The following CDH4 variants were observed in gnomAD, a reference collection of about 807,000 sequenced individuals.
CDH4 encodes cadherin-4.
Under a neutral mutation model 86.0 loss-of-function variants are expected in CDH4, and 33 were observed. The ratio of observed to expected loss-of-function variants is 0.38; its 90% CI spans 0.29 to 0.51. The LOEUF is 0.51. Ranked by LOEUF, CDH4 falls within the 20% of genes least tolerant of loss-of-function variation. The pLI, the probability that CDH4 is intolerant of heterozygous loss-of-function variation, is 0.86. For synonymous variants in CDH4, 555 were observed against 549.4 expected (o/e 1.01, Z -0.14); for missense variants, 1,114 against 1,307.4 (o/e 0.85, Z 2.28).
chr20:61,789,591 G>T (rs1979055793), intron 4 of CDH4, among the ~76,000 whole-genome samples: 1 of 152,212 alleles, frequency 6.6e-6, no homozygotes, highest in Non-Finnish European at 1.5e-5. Flanking sequence ...TCAGGGAGGA[G>T]AGGAAATTGT....
In CDH4 at chr20:61,684,365, C is replaced by T. The variant is rs959708178; in HGVS notation, c.170-59198C>T. Among the ~76,000 whole-genome samples the T allele has an allele frequency of 1.3e-5, 2 of 152,178 alleles. No homozygotes were observed. Among genetic ancestry groups the T allele is most frequent in the African/African-American group, 4.8e-5 (2 of 41,452 alleles). On this transcript the variant is annotated intron_variant, in intron 2 of 15. Coordinates refer to ENST00000614565, the MANE Select transcript of CDH4 (RefSeq NM_001794.5). The surrounding 1 kb of genome is among the most constrained non-coding windows in gnomAD (Gnocchi z 4.5). ...CTAAGGAAGCAGCAAGCGCGGAGCA[C>T]GTGGCCTCAACCTCCGTCTTGCTTA...
intron 2 of CDH4, among the ~76,000 whole-genome samples, chr20:61,611,549 G>A (rs530803691): frequency 2.4e-4 from 36 of 152,088 alleles, no homozygotes; most frequent in Non-Finnish European, 4.1e-4. Flanking sequence ...CCTCTTTGCT[G>A]GGACCTCAGC....
At chr20:61,857,199 T>C (rs1959071940) in intron 6 of CDH4, among the ~76,000 whole-genome samples, 1 of 152,248 alleles carries the variant, frequency 6.6e-6, no homozygotes, top group Admixed American at 6.5e-5. Context: ...TCCATCTTCA[T>C]GCGTTCCGCG....
chr20:61,530,136 G>A (rs1227698513), intron 2 of CDH4, among the ~76,000 whole-genome samples: 2 of 152,042 alleles, frequency 1.3e-5, no homozygotes, highest in African/African-American at 2.4e-5. Flanking sequence ...AGGTTCAAGC[G>A]ATTCTCCTGC....
intron 2 of CDH4, among the ~76,000 whole-genome samples, chr20:61,647,288 CG>C (rs2087071036): frequency 1.3e-5 from 2 of 152,160 alleles, no homozygotes; most frequent in Non-Finnish European, 2.9e-5. Flanking sequence ...CCCTTCCTTG[CG>C]GGTGGTACCT....
At chr20:61,610,539 A>G (rs1434994785) in intron 2 of CDH4, among the ~76,000 whole-genome samples, 1 of 152,114 alleles carries the variant, frequency 6.6e-6, no homozygotes, top group East Asian at 1.9e-4. Context: ...GCTGGGTCAT[A>G]GAGCAGTTCC....
intron 2 of CDH4, among the ~76,000 whole-genome samples, chr20:61,520,654 A>G (rs78272894): frequency 0.041 from 6,300 of 152,254 alleles, 409 homozygotes; most frequent in African/African-American, 0.14. Flanking sequence ...TCCTCTGAGC[A>G]GCTCAGTGAC....
At chr20:61,283,484 TGATGTAG>T (rs2084274723) in intron 2 of CDH4, among the ~76,000 whole-genome samples, 3 of 126,560 alleles carry the variant, frequency 2.4e-5, no homozygotes, top group Non-Finnish European at 3.4e-5. Flanking sequence ...CTGTGGTGTG[TGATGTAG>T]GTGCATTTGC....
intron 3 of CDH4, among the ~76,000 whole-genome samples, chr20:61,759,623 A>T (rs1319685306): frequency 6.6e-6 from 1 of 152,158 alleles, no homozygotes. Flanking sequence ...GGGAAAAAGT[A>T]ATACATTTTC....
intron 2 of CDH4, among the ~76,000 whole-genome samples, chr20:61,535,736 G>A (rs117125196): frequency 0.09 from 13,684 of 151,968 alleles, 821 homozygotes; most frequent in East Asian, 0.33. Context: ...GGGTATGGGG[G>A]CCCTTCAGTG....
rs563528191 is a variant in CDH4, at chr20:61,699,122, A to G, written c.170-44441A>G. Among the ~76,000 whole-genome samples the G allele has an allele frequency of 1.1e-4, 16 of 152,372 alleles. 1 individual carries two copies. The highest frequency in any genetic ancestry group is 9.8e-4 in the Admixed American group (15 of 15,308). On this transcript the variant is annotated intron_variant, in intron 2 of 15. Transcript: ENST00000614565. ...TCTCATTACAGCCTCGGCCATGGAC[A>G]TGATTTGTTAGAACCTTACTATGAA...
chr20:61,387,728 G>A (rs1292800536), intron 2 of CDH4, among the ~76,000 whole-genome samples: 1 of 152,124 alleles, frequency 6.6e-6, no homozygotes, highest in Admixed American at 6.5e-5. Context: ...ATTGGTCCAC[G>A]CAAGCCTCTA....
chr20:61,486,118 T>C (rs1055461332), intron 2 of CDH4, among the ~76,000 whole-genome samples: 1 of 152,178 alleles, frequency 6.6e-6, no homozygotes, highest in Non-Finnish European at 1.5e-5. Flanking sequence ...CCCAAAAAAT[T>C]CATAAAACAC....
chr20:61,412,933 C>T (rs2085126985), intron 2 of CDH4, among the ~76,000 whole-genome samples: 1 of 152,140 alleles, frequency 6.6e-6, no homozygotes, highest in African/African-American at 2.4e-5. Flanking sequence ...GGGGCTGTTT[C>T]CAGAGGAAGG....
chr20:61,566,213 C>T (rs1022740089), intron 2 of CDH4, among the ~76,000 whole-genome samples: 1 of 152,244 alleles, frequency 6.6e-6, no homozygotes, highest in Non-Finnish European at 1.5e-5. Flanking sequence ...CTGACTCCTC[C>T]GCTGTCCTGC....
At chr20:61,790,198 ACCATCCACCCAT>A (rs779728371) in intron 4 of CDH4, among the ~76,000 whole-genome samples, 43 of 150,212 alleles carry the variant, frequency 2.9e-4, no homozygotes, top group Non-Finnish European at 4.2e-4. Context: ...CATCCACTCA[ACCATCCACCCAT>A]CCATCCACCC....
chr20:61,298,679 A>C (rs1351028292), intron 2 of CDH4, among the ~76,000 whole-genome samples: 1 of 146,654 alleles, frequency 6.8e-6, no homozygotes, highest in African/African-American at 2.5e-5. Flanking sequence ...TTCTAATTCT[A>C]CTATAATCAT....
chr20:61,523,532 C>T (rs952076938), intron 2 of CDH4, among the ~76,000 whole-genome samples: 1 of 152,244 alleles, frequency 6.6e-6, no homozygotes, highest in Non-Finnish European at 1.5e-5. Flanking sequence ...CTCTGGCAGC[C>T]TCCTCTCAGC....
At chr20:61,469,256 C>T (rs2085489273) in intron 2 of CDH4, among the ~76,000 whole-genome samples, 1 of 152,176 alleles carries the variant, frequency 6.6e-6, no homozygotes, top group South Asian at 2.1e-4. Context: ...TCCATTTTAA[C>T]TGGGATGAAA....
Sources: gnomAD v4.1 joint callset for allele counts (sites outside exome capture counted in the v4.1 genomes callset) on GRCh38, gnomAD v4.1.1 for gene constraint, Gnocchi (gnomAD v3.1) non-coding constraint, MANE v1.5 for transcripts, NCBI Gene and HGNC (gene_info 2026-07-23, HGNC 2026-07-21) for gene names.